The following ADGRE1 variants were observed in gnomAD, a reference collection of about 807,000 sequenced individuals.
ADGRE1 encodes adhesion G protein-coupled receptor E1.
In ADGRE1, 82 loss-of-function variants were observed where a neutral mutation model predicts 102.7. That is an observed-to-expected ratio of 0.80 (90% CI 0.67 to 0.96). The LOEUF is 0.96. Among genes scored for constraint, ADGRE1 ranks in the 40% least tolerant of loss-of-function variants. The probability of loss-of-function intolerance (pLI) is 0.00; values close to 1 mark genes in which losing one functional copy is unlikely to be tolerated. For synonymous variants in ADGRE1, 398 were observed against 399.6 expected (o/e 1.00, Z 0.05); for missense variants, 1,032 against 1,085.3 (o/e 0.95, Z 0.69).
At chr19:6,913,580 T>A in intron 10 of ADGRE1, 73 bp from the exon 11 acceptor site, 4 of 1,402,656 alleles carry the variant, frequency 2.9e-6, no homozygotes, top group East Asian at 2.5e-5. Context: ...CTATTCTTAA[T>A]CAGAAAAGGG....
At chr19:6,910,197 C>G (rs1974119048) in intron 10 of ADGRE1, among the ~76,000 whole-genome samples, 1 of 151,788 alleles carries the variant, frequency 6.6e-6, no homozygotes, top group Non-Finnish European at 1.5e-5. Context: ...ACATTCATCC[C>G]TAGGGTTTTC....
intron 1 of ADGRE1, 55 bp from the exon 2 acceptor site, chr19:6,890,426 T>TG: frequency 9.1e-7 from 1 of 1,101,838 alleles, no homozygotes; most frequent in Non-Finnish European, 1.2e-6. Context: ...AAAAGGTTTT[T>TG]TTTTTTTTTT....
chr19:6,937,390 C>T lies in ADGRE1; in HGVS notation c.2529C>T (p.Ile843=). Residue 843 remains isoleucine, a synonymous_variant, in exon 19 of 21, where the codon ATC becomes ATT. Coordinates refer to ENST00000312053, the MANE Select transcript of ADGRE1 (RefSeq NM_001974.5). ...NSLQGAFIFL[I]HCLLNGQVRE... ...TGCAGGGGGCCTTCATCTTCCTCAT[C>T]CACTGTCTGCTCAACGGCCAGGTGT... 5.6e-6 allele frequency: 9 copies of T among 1,613,794 alleles called. No individual in the cohort carries two copies. Among genetic ancestry groups the T allele is most frequent in the Non-Finnish European group, 7.6e-6 (9 of 1,179,968 alleles).
In ADGRE1 at chr19:6,935,070, A is replaced by T; in HGVS notation, c.2373A>T (p.Lys791Asn). Residue 791 changes from lysine (K) to asparagine (N), a missense_variant, in exon 18 of 21, where the codon AAA (lysine) becomes AAT (asparagine). Coordinates refer to ENST00000312053, the MANE Select transcript of ADGRE1 (RefSeq NM_001974.5). Reference protein sequence around the residue: ...SSVNAEVSTLKDTRLLTFKAF... With the variant: ...SSVNAEVSTLNDTRLLTFKAF... ...TTAATGCCGAAGTCTCAACGCTAAA[A>T]GACACCAGGTAAAGCCCTCTTTCAC... 2 of 1,592,420 alleles carry T rather than the reference A, an allele frequency of 1.3e-6. No homozygotes were observed. Among genetic ancestry groups the T allele is most frequent in the Non-Finnish European group, 1.7e-6 (2 of 1,170,724 alleles).
intron 2 of ADGRE1, 141 bp downstream of exon 2, chr19:6,890,684 T>C (rs887003122): frequency 7.6e-6 from 6 of 789,002 alleles, no homozygotes; most frequent in Non-Finnish European, 1.0e-5. Context: ...CATGCAAGTC[T>C]CCTGATTCTC....
chr19:6,897,700 T>C, intron 5 of ADGRE1, 153 bp downstream of exon 5: 1 of 780,038 alleles, frequency 1.3e-6, no homozygotes, highest in Non-Finnish European at 1.8e-6. Context: ...TCTTTTTCTA[T>C]CCCTTTACTT....
intron 15 of ADGRE1, among the ~76,000 whole-genome samples, chr19:6,926,075 C>T (rs1483490600): frequency 1.3e-5 from 2 of 152,142 alleles, no homozygotes; most frequent in African/African-American, 2.4e-5. Flanking sequence ...CAACCATTCC[C>T]TAAAGTAGGG....
At chr19:6,891,421 T>G (rs549479609) in intron 2 of ADGRE1, among the ~76,000 whole-genome samples, 1 of 152,174 alleles carries the variant, frequency 6.6e-6, no homozygotes, top group South Asian at 2.1e-4. Flanking sequence ...ACTTAGCAAC[T>G]TGGTCTATAT....
In ADGRE1 at chr19:6,903,912, G is replaced by A. The variant is rs1973857370; in HGVS notation, c.764G>A (p.Gly255Glu). Residue 255 changes from glycine to glutamate, a missense_variant, in exon 7 of 21, where the codon GGA becomes GAA. Transcript: ENST00000312053. Reference protein sequence around the residue: ...TCHPGFAPSNGQLNFTDQGVE... With the variant: ...TCHPGFAPSNEQLNFTDQGVE... ...CACCCTGGCTTTGCACCAAGCAATGGACAGTTGAATTTCACAGACCAAGGA... is the reference window on the plus strand; with the variant it reads ...CACCCTGGCTTTGCACCAAGCAATGAACAGTTGAATTTCACAGACCAAGGA... 6.2e-7 allele frequency: 1 copy of A among 1,614,190 alleles called. No homozygotes were observed. The highest frequency in any genetic ancestry group is 8.5e-7 in the Non-Finnish European group (1 of 1,180,036).
chr19:6,915,106 A>G (rs1974326726), intron 11 of ADGRE1, among the ~76,000 whole-genome samples: 1 of 152,118 alleles, frequency 6.6e-6, no homozygotes. Context: ...CCCAGGCTCA[A>G]GTGATCCTCC....
intron 9 of ADGRE1, among the ~76,000 whole-genome samples, chr19:6,907,593 G>A (rs1445778758): frequency 6.6e-6 from 1 of 152,114 alleles, no homozygotes; most frequent in African/African-American, 2.4e-5. Flanking sequence ...ACCTGCCTCA[G>A]CCTCCCAATG....
chr19:6,904,527 CT>C (rs561401517), intron 8 of ADGRE1, among the ~76,000 whole-genome samples: 4,101 of 134,630 alleles, frequency 0.03, 134 homozygotes, highest in African/African-American at 0.09. Context: ...AAAAAGTGTG[CT>C]TTTTTTTTTT....
intron 11 of ADGRE1, among the ~76,000 whole-genome samples, chr19:6,915,016 T>A (rs1267941930): frequency 6.7e-6 from 1 of 150,174 alleles, no homozygotes; most frequent in African/African-American, 2.4e-5. Flanking sequence ...TAAGGTTTTT[T>A]TTTTCTTGAG....
At chr19:6,891,792 G>A (rs1481383589) in intron 2 of ADGRE1, among the ~76,000 whole-genome samples, 2 of 152,094 alleles carry the variant, frequency 1.3e-5, no homozygotes, top group Non-Finnish European at 2.9e-5. Flanking sequence ...AGATGGTTGG[G>A]AAAATTTTCT....
rs777321789 is a variant in ADGRE1 at position 6,921,895 on chromosome 19, T to C, written c.1791+12T>C. 1.3e-6 allele frequency: 2 copies of C among 1,594,430 alleles called. No homozygotes were observed. The highest frequency in any genetic ancestry group is 2.2e-5 in the East Asian group (1 of 44,520). ...CTGGGGAGCTCACGGTCAGTACTGA[T>C]GATTTGTTCCCTGAGGCAGAGTATC... is the stretch of plus-strand genomic sequence containing the variant. On this transcript the variant is annotated intron_variant, in intron 14 of 20. Transcript: ENST00000312053.
chr19:6,889,192 G>A (rs560010438), intron 1 of ADGRE1, among the ~76,000 whole-genome samples: 2 of 151,724 alleles, frequency 1.3e-5, no homozygotes, highest in African/African-American at 4.8e-5. Context: ...AGATGGTGAT[G>A]TTGGTGATTA....
At chr19:6,913,605 A>G in intron 10 of ADGRE1, 48 bp from the exon 11 acceptor site, 1 of 1,495,332 alleles carries the variant, frequency 6.7e-7, no homozygotes, top group South Asian at 1.4e-5. Flanking sequence ...CTGTTATTTC[A>G]TTAATGAGAG....
At chr19:6,902,484 A>G (rs1973802649) in intron 6 of ADGRE1, among the ~76,000 whole-genome samples, 1 of 151,974 alleles carries the variant, frequency 6.6e-6, no homozygotes, top group Non-Finnish European at 1.5e-5. Context: ...TCTGTTGCCC[A>G]GGCTGGAGTG....
intron 1 of ADGRE1, among the ~76,000 whole-genome samples, chr19:6,888,662 G>A (rs1973232541): frequency 6.6e-6 from 1 of 152,148 alleles, no homozygotes; most frequent in Non-Finnish European, 1.5e-5. Context: ...TTAAACCTAA[G>A]CACTTTGACT....
Sources: gnomAD v4.1 joint callset for allele counts (sites outside exome capture counted in the v4.1 genomes callset) on GRCh38, gnomAD v4.1.1 for gene constraint, MANE v1.5 for transcripts, NCBI Gene and HGNC (gene_info 2026-07-23, HGNC 2026-07-21) for gene names.